The following OSBP2 variants were observed in gnomAD, a reference collection of about 807,000 sequenced individuals.
OSBP2 encodes the protein oxysterol-binding protein 2.
A neutral mutation model predicts 96.0 loss-of-function variants in OSBP2; 66 were observed. The ratio of observed to expected loss-of-function variants is 0.69; its 90% CI spans 0.56 to 0.84. The LOEUF (loss-of-function observed/expected upper bound fraction) is 0.84. Among genes scored for constraint, OSBP2 ranks in the 40% least tolerant of loss-of-function variants. The pLI is 0.00. For missense variants in OSBP2, 1,038 were observed against 1,222.7 expected (o/e 0.85, Z 2.25); for synonymous variants, 525 against 520.9 (o/e 1.01, Z -0.11).
chr22:30,792,746 G>A (rs2090694495), intron 2 of OSBP2, among the ~76,000 whole-genome samples: 1 of 152,160 alleles, frequency 6.6e-6, no homozygotes, highest in African/African-American at 2.4e-5. Flanking sequence ...GGGAGAAAGT[G>A]AACCCTATGA....
chr22:30,868,888 T>G (rs2039403130), intron 2 of OSBP2, among the ~76,000 whole-genome samples: 1 of 152,246 alleles, frequency 6.6e-6, no homozygotes. Flanking sequence ...TCTCTCACAG[T>G]ATGCATTATT....
In OSBP2 at chr22:30,905,885, C is replaced by T; in HGVS notation, c.2424C>T (p.Leu808=). ...MYYFSELALT[L]NEHEEGVAPT... is the part of the protein sequence containing the mutation. ...ACTTCTCAGAGCTGGCCCTGACCCT[C>T]AACGAGCACGAGGAGGGCGTAGCGC... Residue 808 remains leucine (L), a synonymous_variant, in exon 13 of 14, where the codon CTC becomes CTT. Coordinates refer to ENST00000332585, the MANE Select transcript of OSBP2 (RefSeq NM_030758.4). 1 of 1,613,460 alleles carries T rather than the reference C, an allele frequency of 6.2e-7. No individual in the cohort carries two copies.
intron 1 of OSBP2, among the ~76,000 whole-genome samples, chr22:30,730,774 C>CTATATATATATATATATATATA (rs1206537838): frequency 1.4e-4 from 2 of 13,834 alleles, no homozygotes; most frequent in Non-Finnish European, 2.7e-4. Context: ...CTCTCTCTCT[C>CTATATATATATATATATATATA]TATATATATA....
intron 1 of OSBP2, among the ~76,000 whole-genome samples, chr22:30,704,290 G>A (rs1436441490): frequency 6.6e-6 from 1 of 152,210 alleles, no homozygotes; most frequent in Non-Finnish European, 1.5e-5. Context: ...GAAACAGAGT[G>A]AAGTCTGGGG....
chr22:30,729,872 G>A (rs2089718017), intron 1 of OSBP2, among the ~76,000 whole-genome samples: 1 of 152,050 alleles, frequency 6.6e-6, no homozygotes, highest in South Asian at 2.1e-4. Context: ...GGCTCTCGTG[G>A]ACTTCAGCTC....
At chr22:30,714,289 T>G (rs1362497235) in intron 1 of OSBP2, among the ~76,000 whole-genome samples, 1 of 152,208 alleles carries the variant, frequency 6.6e-6, no homozygotes, top group East Asian at 1.9e-4. Context: ...TATACCACAT[T>G]TTCTTTATCC....
chr22:30,749,696 C>T (rs969441000), intron 2 of OSBP2, among the ~76,000 whole-genome samples: 1 of 152,128 alleles, frequency 6.6e-6, no homozygotes, highest in Non-Finnish European at 1.5e-5. Context: ...CAACCTCCGC[C>T]TCCCAGGTTC....
At chr22:30,805,661 A>G (rs995791543) in intron 2 of OSBP2, among the ~76,000 whole-genome samples, 2 of 152,106 alleles carry the variant, frequency 1.3e-5, no homozygotes, top group Admixed American at 6.5e-5. Context: ...AAGTACCTCA[A>G]ATTTGTGTTT....
intron 2 of OSBP2, among the ~76,000 whole-genome samples, chr22:30,745,238 A>G (rs747221684): frequency 2.6e-5 from 4 of 152,214 alleles, no homozygotes; most frequent in Non-Finnish European, 4.4e-5. Flanking sequence ...AAAAAAAATT[A>G]TAGCGCTAAA....
chr22:30,800,656 C>T (rs748434511), intron 2 of OSBP2, among the ~76,000 whole-genome samples: 6 of 151,954 alleles, frequency 3.9e-5, no homozygotes, highest in South Asian at 2.1e-4. Flanking sequence ...GGGCCGGAGC[C>T]GTGGGGCAGA....
At position 30,695,219 on chromosome 22, in the gene OSBP2, T is replaced by G. The variant is rs1602132924; in HGVS notation, c.310T>G (p.Ser104Ala). Residue 104 changes from serine to alanine, a missense_variant, in exon 1 of 14, where the codon TCG (serine) becomes GCG (alanine). By Grantham distance (99) the Ser-to-Ala change is moderately conservative (BLOSUM62 1). Around this residue, in one of 3 missense-constraint regions of OSBP2, gnomAD observed 281 missense variants for 273.4 expected, o/e 1.03. Coordinates refer to ENST00000332585, the MANE Select transcript of OSBP2 (RefSeq NM_030758.4). ...AGQPSELLQG[S>A]RPGSESSSGV... is the part of the protein sequence containing the mutation. ...GCAGCCATCGGAACTGCTGCAGGGG[T>G]CGCGGCCGGGGTCAGAGTCAAGCTC... is the stretch of plus-strand genomic sequence containing the variant. 1.9e-6 allele frequency: 3 copies of G among 1,612,772 alleles called. No homozygotes were observed. Among genetic ancestry groups the G allele is most frequent in the Non-Finnish European group, 2.5e-6 (3 of 1,179,528 alleles).
intron 2 of OSBP2, among the ~76,000 whole-genome samples, chr22:30,765,491 G>A (rs1053473073): frequency 6.6e-6 from 1 of 152,134 alleles, no homozygotes; most frequent in African/African-American, 2.4e-5. Context: ...TTACAGGCGT[G>A]AGCAACCACT....
At chr22:30,862,962 CAAAAAAAAA>C (rs5844927) in intron 2 of OSBP2, among the ~76,000 whole-genome samples, 1 of 139,828 alleles carries the variant, frequency 7.2e-6, no homozygotes, top group Non-Finnish European at 1.6e-5. Context: ...GACTCTGTCT[CAAAAAAAAA>C]AAAAAGAAAA....
chr22:30,741,013 TC>T, intron 1 of OSBP2, 147 bp from the exon 2 acceptor site: 1 of 655,512 alleles, frequency 1.5e-6, no homozygotes, highest in East Asian at 2.7e-5. Flanking sequence ...ACCAGGCAGT[TC>T]CAATAGGCAT....
At chr22:30,793,930 A>T (rs1205892117) in intron 2 of OSBP2, among the ~76,000 whole-genome samples, 2 of 152,234 alleles carry the variant, frequency 1.3e-5, no homozygotes, top group Non-Finnish European at 2.9e-5. Flanking sequence ...GTGTTCATTT[A>T]TGATGAATGG....
chr22:30,760,320 T>C (rs2090191494), intron 2 of OSBP2, among the ~76,000 whole-genome samples: 1 of 152,164 alleles, frequency 6.6e-6, no homozygotes, highest in South Asian at 2.1e-4. Context: ...CATACCCTGA[T>C]ACCAAACTGA....
intron 2 of OSBP2, among the ~76,000 whole-genome samples, chr22:30,759,986 T>G (rs1159839749): frequency 1.3e-5 from 2 of 152,112 alleles, no homozygotes; most frequent in East Asian, 3.9e-4. Flanking sequence ...CTCAGCCTCC[T>G]TAGTAGCTGG....
At chr22:30,786,134 C>T (rs182923664) in intron 2 of OSBP2, among the ~76,000 whole-genome samples, 6 of 152,184 alleles carry the variant, frequency 3.9e-5, no homozygotes, top group African/African-American at 1.4e-4. Flanking sequence ...AGCAATTCTC[C>T]TGTCTCAACC....
At chr22:30,837,248 T>G (rs2038653497) in intron 2 of OSBP2, among the ~76,000 whole-genome samples, 1 of 142,754 alleles carries the variant, frequency 7.0e-6, no homozygotes. Flanking sequence ...GGCAACAGAG[T>G]GAGACTCTGT....
Sources: gnomAD v4.1 joint callset for allele counts (sites outside exome capture counted in the v4.1 genomes callset) on GRCh38, gnomAD v4.1.1 for gene constraint, gnomAD v4.1.1 regional missense constraint, MANE v1.5 for transcripts, NCBI Gene and HGNC (gene_info 2026-07-23, HGNC 2026-07-21) for gene names.